The following COL6A3 variants were observed in gnomAD, a reference collection of about 807,000 sequenced individuals.
COL6A3 encodes the protein collagen alpha-3(VI) chain.
A neutral mutation model predicts 274.1 loss-of-function variants in COL6A3; 137 were observed. The observed-to-expected ratio is 0.50, with a 90% CI of 0.44 to 0.58. The LOEUF (loss-of-function observed/expected upper bound fraction) is 0.58, where lower values mean the gene tolerates loss of function less well. Among genes scored for constraint, COL6A3 ranks in the 20% least tolerant of loss-of-function variants. The pLI, the probability that COL6A3 is intolerant of heterozygous loss-of-function variation, is 0.00. For missense variants in COL6A3, 3,950 were observed against 4,124.9 expected, an observed-to-expected ratio of 0.96 and a Z score of 1.16; for synonymous variants, 1,650 against 1,650.6, an observed-to-expected ratio of 1.00 and a Z score of 0.01.
Position 237,359,262 on chromosome 2 carries a change from T to C in COL6A3, c.6310-12A>G. The C allele has an allele frequency of 1.2e-6, 2 of 1,614,158 alleles. No homozygotes were observed. Among genetic ancestry groups the C allele is most frequent in the Non-Finnish European group, 8.5e-7 (1 of 1,180,002 alleles). On this transcript the variant is annotated splice_polypyrimidine_tract_variant and intron_variant, in intron 18 of 43. Transcript: ENST00000295550. ...TCTCCTACTTCGCCCTAAGAGGGAATAAGGCGGACAGGTAAGTATAGAAAG... is the reference window on the plus strand; with the variant it reads ...TCTCCTACTTCGCCCTAAGAGGGAACAAGGCGGACAGGTAAGTATAGAAAG...
rs766175267 is a variant in COL6A3, at chr2:237,361,133, A to C, written c.6198T>G (p.Asp2066Glu). ...AATTTTTACTTACGGGTCCACCCTC[A>C]TCACCAGGATAGCCTCGGTAGCCGT... ...GEDGYRGYPG[D>E]EGGPGERGPP... The change falls in exon 16 of 44, where the codon GAT becomes GAG. Residue 2066 changes from aspartate to glutamate, a missense_variant. Transcript: ENST00000295550. This position sits in a 1 kb window ranked among gnomAD's most constrained non-coding sequence, Gnocchi z 5.1. 2.5e-6 allele frequency: 4 copies of C among 1,614,138 alleles called. No homozygotes were observed. Among genetic ancestry groups the C allele is most frequent in the Non-Finnish European group, 2.5e-6 (3 of 1,179,992 alleles).
rs371801495 is a variant in COL6A3, at chr2:237,394,747, T to G, written c.549A>C (p.Gly183=). 1 of 1,614,128 alleles carries G rather than the reference T, an allele frequency of 6.2e-7. No homozygotes were observed. The highest frequency in any genetic ancestry group is 8.5e-7 in the Non-Finnish European group (1 of 1,180,044). Residue 183 remains glycine (G), a synonymous_variant, in exon 3 of 44, where the codon GGA becomes GGC. Coordinates refer to ENST00000295550, the MANE Select transcript of COL6A3 (RefSeq NM_004369.4). ...GTTCACTTGCTATTTCTTTTAACGC[T>G]CCTTCATCTGCATCCTCAACTCCAA... ...FAIGVEDADE[G]ALKEIASEPL... is the part of the protein sequence containing the mutation.
In COL6A3 at chr2:237,369,021, C is replaced by T. The variant is rs377660056; in HGVS notation, c.4442G>A (p.Ser1481Asn). Residue 1481 changes from serine (S) to asparagine (N), a missense_variant, in exon 10 of 44, where the codon AGC (serine) becomes AAC (asparagine). Ser to Asn is a conservative substitution (Grantham distance 46). Transcript: ENST00000295550. ...ATAGAATTCTGGGAAGACATCATTG[C>T]TGAACTGCACGACCCCAACTCTCAC... ...SKVRVGVVQF[S>N]NDVFPEFYLK... is the part of the protein sequence containing the mutation. The T allele has an allele frequency of 6.2e-7, 1 of 1,614,228 alleles. No homozygotes were observed. The highest frequency in any genetic ancestry group is 8.5e-7 in the Non-Finnish European group (1 of 1,180,040).
chr2:237,368,953 G>A lies in COL6A3; in HGVS notation c.4510C>T (p.Arg1504Trp), dbSNP rs144223596. ...GACCCCCCTCTGAGCCTCAGGCGCC[G>A]TATGGCGTCCAGCACCGGGGCCTGG... ...RSQAPVLDAI[R>W]RLRLRGGSPL... The change falls in exon 10 of 44, where the codon CGG (arginine) becomes TGG (tryptophan). Residue 1504 changes from arginine (R) to tryptophan (W), a missense_variant. By Grantham distance (101) the Arg-to-Trp change is moderately radical. Transcript: ENST00000295550. This position sits in a 1 kb window ranked among gnomAD's most constrained non-coding sequence, Gnocchi z 4.4. The A allele has an allele frequency of 8.8e-4, 1,414 of 1,614,116 alleles. 2 individuals carry two copies. The highest frequency in any genetic ancestry group is 1.1e-3 in the Non-Finnish European group (1,253 of 1,180,052).
chr2:237,329,596 G>T (rs894476336), intron 42 of COL6A3: 1 of 152,112 alleles, frequency 6.6e-6, no homozygotes, highest in Non-Finnish European at 1.5e-5. Flanking sequence ...GGATTAGTTT[G>T]TTCTTTAAAT....
chr2:237,362,553 C>T (rs982995983), intron 14 of COL6A3, among the ~76,000 whole-genome samples: 3 of 152,248 alleles, frequency 2.0e-5, no homozygotes, highest in African/African-American at 7.2e-5. Flanking sequence ...GCTAACTCAA[C>T]CTACTTCCAC....
Position 237,371,935 on chromosome 2 carries a change from T to C in COL6A3, c.4082A>G (p.Gln1361Arg), listed in dbSNP as rs769263699. The C allele has an allele frequency of 1.2e-6, 2 of 1,613,834 alleles. No homozygotes were observed. Among genetic ancestry groups the C allele is most frequent in the Non-Finnish European group, 1.7e-6 (2 of 1,180,036 alleles). The change falls in exon 9 of 44, where the codon CAG becomes CGG. Residue 1361 changes from glutamine to arginine, a missense_variant. This residue lies in a region of COL6A3 where 1,934 missense variants were observed against 1,984.3 expected (regional missense o/e 0.97). Transcript: ENST00000295550. The surrounding 1 kb of genome is among the most constrained non-coding windows in gnomAD (Gnocchi z 4.3). ...EVDDPAVELK[Q>R]FGVAPFTIAR... ...GATCGTGAAAGGGGCCACGCCAAAC[T>C]GCTTGAGCTCCACCGCCGGGTCGTC...
At chr2:237,395,242 G>A (rs775712035) in intron 2 of COL6A3, 38 bp from the exon 3 acceptor site, 7 of 1,608,172 alleles carry the variant, frequency 4.4e-6, no homozygotes, top group Non-Finnish European at 5.9e-6. Context: ...TTTCTACTAT[G>A]TAAGCAATTA....
chr2:237,366,893 G>A lies in COL6A3; in HGVS notation c.5294C>T (p.Ala1765Val). The A allele has an allele frequency of 6.2e-7, 1 of 1,614,180 alleles. No individual in the cohort carries two copies. The highest frequency in any genetic ancestry group is 8.5e-7 in the Non-Finnish European group (1 of 1,180,032). The change falls in exon 11 of 44, where the codon GCC (alanine) becomes GTC (valine). Residue 1765 changes from alanine to valine, a missense_variant. Around this residue, in one of 5 missense-constraint regions of COL6A3, gnomAD observed 632 missense variants for 623.4 expected, o/e 1.01. Coordinates refer to ENST00000295550, the MANE Select transcript of COL6A3 (RefSeq NM_004369.4). ...SVEDAQDVSL[A>V]LTQRGVKVFA... ...CACTTTGACCCCCCTCTGGGTGAGG[G>A]CCAGGCTCACATCCTGTGCATCTTC...
In COL6A3 at chr2:237,335,358, C is replaced by T. The variant is rs139094181; in HGVS notation, c.8966-469G>A. Among the ~76,000 whole-genome samples the T allele has an allele frequency of 7.0e-4, 107 of 152,280 alleles. 1 individual carries two copies. In the East Asian group the frequency reaches 0.02, roughly 28 times the overall value. On this transcript the variant is annotated intron_variant, in intron 40 of 43. Transcript: ENST00000295550. ...GCCTTCCTTTACAGCTTGTGACATT[C>T]GGTAGTGTCTTCCAGTATCTTCTTT...
At chr2:237,397,055 A>ATAGATAGATAGG (rs1159583336) in intron 1 of COL6A3, among the ~76,000 whole-genome samples, 2 of 151,960 alleles carry the variant, frequency 1.3e-5, no homozygotes, top group African/African-American at 4.8e-5. Context: ...AGATAGATAG[A>ATAGATAGATAGG]TAAAAATCTA....
chr2:237,336,843 A>G (rs995963806), intron 39 of COL6A3, among the ~76,000 whole-genome samples: 25 of 152,344 alleles, frequency 1.6e-4, no homozygotes, highest in African/African-American at 5.3e-4. Flanking sequence ...AATATCCAAC[A>G]ATGTTCTCAT....
chr2:237,344,950 A>G lies in COL6A3; in HGVS notation c.7165T>C (p.Cys2389Arg). ...ACCAAAATCAACTTACCGTAACAGCAAGCTAGAAAAGAAGCAAAGAGAAGA... is the reference window on the plus strand; with the variant it reads ...ACCAAAATCAACTTACCGTAACAGCGAGCTAGAAAAGAAGCAAAGAGAAGA... ...LIQSIKDKCP[C>R]CYGPLECPVF... Residue 2389 changes from cysteine to arginine, a missense_variant and splice_region_variant, in exon 35 of 44, where the codon TGC becomes CGC. Coordinates refer to ENST00000295550, the MANE Select transcript of COL6A3 (RefSeq NM_004369.4). This position sits in a 1 kb window ranked among gnomAD's most constrained non-coding sequence, Gnocchi z 4.8. The G allele has an allele frequency of 6.2e-7, 1 of 1,614,194 alleles. No individual in the cohort carries two copies. The highest frequency in any genetic ancestry group is 8.5e-7 in the Non-Finnish European group (1 of 1,180,044).
At position 237,361,051 on chromosome 2, in the gene COL6A3, C is replaced by T; in HGVS notation, c.6210+70G>A. The T allele has an allele frequency of 1.6e-6, 2 of 1,254,228 alleles. No individual in the cohort carries two copies. Among genetic ancestry groups the T allele is most frequent in the Admixed American group, 1.7e-5 (1 of 59,468 alleles). 77.7% of individuals were successfully genotyped at this position (1,254,228 alleles called of 1,614,324 possible). On this transcript the variant is annotated intron_variant, in intron 16 of 43. Transcript: ENST00000295550. This position sits in a 1 kb window ranked among gnomAD's most constrained non-coding sequence, Gnocchi z 5.1. ...GCAACTGAACAAATGATGAAATCCA[C>T]AATGCAATCCCAATGGGTAAGGATC...
Position 237,405,824 on chromosome 2 carries a change from G to C in COL6A3, c.-31+8129C>G, listed in dbSNP as rs145208378. On this transcript the variant is annotated intron_variant, in intron 1 of 43. Transcript: ENST00000295550. ...TTTTGGGGAAAAAATAGACTTCCTT[G>C]GTGGTGACACACCACAGATTCTATG... Among the ~76,000 whole-genome samples the C allele has an allele frequency of 4.1e-3, 628 of 152,090 alleles. 8 individuals are homozygous for C. Among genetic ancestry groups the C allele is most frequent in the African/African-American group, 0.015 (604 of 41,492 alleles).
chr2:237,341,823 C>G (rs1250301133), intron 37 of COL6A3, among the ~76,000 whole-genome samples: 1 of 152,168 alleles, frequency 6.6e-6, no homozygotes, highest in Non-Finnish European at 1.5e-5. Context: ...TAAGCAGAAA[C>G]TGCCTCCTCC....
Position 237,365,891 on chromosome 2 carries a change from G to A in COL6A3, c.5645C>T (p.Ser1882Leu), listed in dbSNP as rs368943871. ...MHRVSCSGGRSPTVRVSVVAN... is the reference protein window; with the variant it reads ...MHRVSCSGGRLPTVRVSVVAN... ...CACCACTGACACACGCACGGTGGGC[G>A]AGCGGCCACCGCTGCAGCTGACCCT... The change falls in exon 12 of 44, where the codon TCG becomes TTG. Residue 1882 changes from serine to leucine, a missense_variant. By Grantham distance (145) the Ser-to-Leu change is moderately radical. Around this residue, in one of 5 missense-constraint regions of COL6A3, gnomAD observed 632 missense variants for 623.4 expected, o/e 1.01. Coordinates refer to ENST00000295550, the MANE Select transcript of COL6A3 (RefSeq NM_004369.4). 6.1e-5 allele frequency: 98 copies of A among 1,614,148 alleles called. No individual in the cohort carries two copies. The South Asian group carries it at 8.8e-4, about 14-fold the overall frequency.
chr2:237,352,365 T>C (rs1269128898), intron 26 of COL6A3, among the ~76,000 whole-genome samples, 157 bp downstream of exon 26: 1 of 152,166 alleles, frequency 6.6e-6, no homozygotes, highest in Non-Finnish European at 1.5e-5. Flanking sequence ...AGCCAGTCAC[T>C]GCAAGGCCTG....
chr2:237,409,789 G>A (rs528230260), intron 1 of COL6A3, among the ~76,000 whole-genome samples: 67 of 152,224 alleles, frequency 4.4e-4, no homozygotes, highest in African/African-American at 1.5e-3. Context: ...TCTAAAATCC[G>A]GTAATTCTAC....
Sources: gnomAD v4.1 joint callset for allele counts (sites outside exome capture counted in the v4.1 genomes callset) on GRCh38, gnomAD v4.1.1 for gene constraint, gnomAD v4.1.1 regional missense constraint, Gnocchi (gnomAD v3.1) non-coding constraint, MANE v1.5 for transcripts, NCBI Gene and HGNC (gene_info 2026-07-23, HGNC 2026-07-21) for gene names.